The following ITGB6 variants were observed in gnomAD, a reference collection of about 807,000 sequenced individuals.
ITGB6 encodes integrin beta-6.
Under a neutral mutation model 84.5 loss-of-function variants are expected in ITGB6, and 80 were observed. The ratio of observed to expected loss-of-function variants is 0.95; its 90% CI spans 0.79 to 1.14. The LOEUF (loss-of-function observed/expected upper bound fraction) is 1.14, where lower values mean the gene tolerates loss of function less well. ITGB6 is among the 50% of genes most tolerant of loss of function. The pLI, the probability that ITGB6 is intolerant of heterozygous loss-of-function variation, is 0.00. For missense variants in ITGB6, 1,006 were observed against 968.0 expected (o/e 1.04, Z -0.52); for synonymous variants, 383 against 354.9 (o/e 1.08, Z -0.89).
chr2:160,196,375 C>G lies in ITGB6; in HGVS notation c.187G>C (p.Ala63Pro). 6.2e-7 allele frequency: 1 copy of G among 1,613,952 alleles called. No homozygotes were observed. The highest frequency in any genetic ancestry group is 1.1e-5 in the South Asian group (1 of 91,070). The change falls in exon 3 of 15, where the codon GCA becomes CCA. Residue 63 changes from alanine to proline, a missense_variant. By Grantham distance (27) the Ala-to-Pro change is conservative. Coordinates refer to ENST00000283249, the MANE Select transcript of ITGB6 (RefSeq NM_000888.5). Reference sequence around the variant, plus strand: ...TGACATCCTTTAGCTAAAAGGTTTGCTGGGGTATCACACCTTTCGCCAACT... The same window carrying G: ...TGACATCCTTTAGCTAAAAGGTTTGGTGGGGTATCACACCTTTCGCCAACT... ...SGVGERCDTP[A>P]NLLAKGCQLN...
intron 10 of ITGB6, among the ~76,000 whole-genome samples, chr2:160,131,905 G>A (rs371984953): frequency 3.9e-5 from 6 of 152,064 alleles, no homozygotes; most frequent in South Asian, 2.1e-4. Context: ...AAAATAAAGC[G>A]AAAGACCATC....
chr2:160,183,942 A>G (rs1685790876), intron 4 of ITGB6, among the ~76,000 whole-genome samples: 1 of 152,236 alleles, frequency 6.6e-6, no homozygotes, highest in South Asian at 2.1e-4. Flanking sequence ...GAGAACAAAG[A>G]CACAACGTAG....
Position 160,100,709 on chromosome 2 carries a change from T to C in ITGB6, c.*1027A>G, listed in dbSNP as rs866026893. On this transcript the variant is annotated 3_prime_UTR_variant, in exon 15 of 15. Coordinates refer to ENST00000283249, the MANE Select transcript of ITGB6 (RefSeq NM_000888.5). The stretch of plus-strand genomic sequence containing the variant: ...ATGATGCATATTCACCACATGCAGC[T>C]GAAATGTGCAAGTTGGGTTACATAG... 2 of 152,348 alleles carry C rather than the reference T, an allele frequency of 1.3e-5. No homozygotes were observed. The highest frequency in any genetic ancestry group is 3.4e-3 in the Middle Eastern group (1 of 294). 9.4% of individuals were successfully genotyped at this position (152,348 alleles called of 1,614,324 possible).
chr2:160,147,085 G>GAA (rs36051022), intron 7 of ITGB6, among the ~76,000 whole-genome samples: 3 of 41,510 alleles, frequency 7.2e-5, no homozygotes, highest in East Asian at 6.5e-4. Flanking sequence ...CCTTGCCTCA[G>GAA]AAAAAAAAAA....
At chr2:160,187,595 A>G (rs1481487705) in intron 4 of ITGB6, among the ~76,000 whole-genome samples, 1 of 152,210 alleles carries the variant, frequency 6.6e-6, no homozygotes, top group East Asian at 1.9e-4. Flanking sequence ...ATGCAGGAGC[A>G]GATAGAGAAT....
intron 4 of ITGB6, among the ~76,000 whole-genome samples, chr2:160,190,002 C>T (rs1240303499): frequency 2.0e-5 from 3 of 152,130 alleles, no homozygotes; most frequent in Non-Finnish European, 4.4e-5. Context: ...GGCACATATA[C>T]ACCATGGAAT....
intron 12 of ITGB6, among the ~76,000 whole-genome samples, chr2:160,116,536 C>T (rs1419211150): frequency 2.2e-4 from 34 of 152,320 alleles, no homozygotes; most frequent in Non-Finnish European, 1.5e-5. Context: ...AAAGGAACAA[C>T]TGGTACCAGC....
chr2:160,114,788 G>A (rs1191198762), intron 12 of ITGB6, among the ~76,000 whole-genome samples: 11 of 152,178 alleles, frequency 7.2e-5, no homozygotes, highest in South Asian at 2.1e-4. Context: ...CTGGAAAATC[G>A]GGTCACTCCC....
chr2:160,149,790 A>C (rs1454941584), intron 7 of ITGB6, among the ~76,000 whole-genome samples: 1 of 152,228 alleles, frequency 6.6e-6, no homozygotes, highest in Non-Finnish European at 1.5e-5. Context: ...AAACCATGGC[A>C]CAAGAACTTC....
chr2:160,137,378 G>T, intron 10 of ITGB6, 56 bp downstream of exon 10: 1 of 1,519,790 alleles, frequency 6.6e-7, no homozygotes, highest in Admixed American at 1.8e-5. Context: ...AGGATGCCAA[G>T]CCCCTTGCTG....
intron 13 of ITGB6, among the ~76,000 whole-genome samples, chr2:160,111,606 T>C (rs1574037186): frequency 6.6e-6 from 1 of 150,824 alleles, no homozygotes; most frequent in East Asian, 1.9e-4. Context: ...GCTGTTTTTT[T>C]TTTTTTTTGG....
Position 160,107,792 on chromosome 2 carries a change from T to C in ITGB6, c.2155A>G (p.Ile719Val), listed in dbSNP as rs1374016397. Reference protein sequence around the residue: ...PMIMLGVSLAILLIGVVLLCI... With the variant: ...PMIMLGVSLAVLLIGVVLLCI... ...AGTAGGACAACCCCGATGAGAAGAA[T>C]AGCCAGGGAAACCCCTAACATGATC... Residue 719 changes from isoleucine (I) to valine (V), a missense_variant, in exon 14 of 15, where the codon ATT becomes GTT. By Grantham distance (29) the Ile-to-Val change is conservative. Transcript: ENST00000283249. 1.2e-6 allele frequency: 2 copies of C among 1,613,756 alleles called. No individual in the cohort carries two copies. Among genetic ancestry groups the C allele is most frequent in the Non-Finnish European group, 1.7e-6 (2 of 1,179,828 alleles).
intron 7 of ITGB6, among the ~76,000 whole-genome samples, chr2:160,149,658 C>T (rs1684335327): frequency 6.6e-6 from 1 of 152,040 alleles, no homozygotes; most frequent in Non-Finnish European, 1.5e-5. Flanking sequence ...CAGACTTCTC[C>T]AAGTTAAATG....
intron 10 of ITGB6, among the ~76,000 whole-genome samples, chr2:160,130,765 A>G (rs1333667771): frequency 6.6e-6 from 1 of 152,234 alleles, no homozygotes; most frequent in Admixed American, 6.5e-5. Flanking sequence ...TATGATAGAA[A>G]GAAATTCCAT....
intron 7 of ITGB6, among the ~76,000 whole-genome samples, chr2:160,156,875 T>C (rs1684642342): frequency 6.6e-6 from 1 of 152,220 alleles, no homozygotes; most frequent in South Asian, 2.1e-4. Flanking sequence ...TATCTTCGAC[T>C]TGTGATGTCA....
intron 10 of ITGB6, among the ~76,000 whole-genome samples, chr2:160,128,639 G>A (rs566299876): frequency 1.3e-5 from 2 of 152,116 alleles, no homozygotes; most frequent in South Asian, 2.1e-4. Flanking sequence ...GTGTGGGTGC[G>A]ATTGGTGCCA....
At chr2:160,136,947 T>A (rs1293536862) in intron 10 of ITGB6, among the ~76,000 whole-genome samples, 6 of 151,696 alleles carry the variant, frequency 4.0e-5, no homozygotes, top group Non-Finnish European at 5.9e-5. Context: ...ATATACCTAA[T>A]GTTAAATGAT....
intron 6 of ITGB6, among the ~76,000 whole-genome samples, chr2:160,171,331 T>TTTTA (rs1243540675): frequency 5.5e-5 from 8 of 145,528 alleles, no homozygotes; most frequent in African/African-American, 2.0e-4. Flanking sequence ...TCAAATTTAT[T>TTTTA]TTTTTATTTT....
chr2:160,197,225 G>A (rs1225514912), intron 2 of ITGB6, among the ~76,000 whole-genome samples: 1 of 152,122 alleles, frequency 6.6e-6, no homozygotes, highest in African/African-American at 2.4e-5. Flanking sequence ...GAACCCGGGA[G>A]GCAGAGCTTG....
Sources: gnomAD v4.1 joint callset for allele counts (sites outside exome capture counted in the v4.1 genomes callset) on GRCh38, gnomAD v4.1.1 for gene constraint, MANE v1.5 for transcripts, NCBI Gene and HGNC (gene_info 2026-07-23, HGNC 2026-07-21) for gene names.